The following GABRB1 variants were observed in gnomAD, a reference collection of about 807,000 sequenced individuals.
GABRB1 encodes the protein gamma-aminobutyric acid type A receptor subunit beta1.
GABRB1 carries 17 observed loss-of-function variants against 51.6 expected under a neutral mutation model. That is an observed-to-expected ratio of 0.33 (90% CI 0.23 to 0.49). The LOEUF is 0.49. GABRB1 is among the 20% of genes least tolerant of loss of function. GABRB1 has a pLI of 0.99. For missense variants in GABRB1, 410 were observed against 600.6 expected (o/e 0.68, Z 3.32); for synonymous variants, 247 against 218.9 (o/e 1.13, Z -1.14).
At chr4:47,178,761 G>A (rs759351527) in intron 4 of GABRB1, among the ~76,000 whole-genome samples, 4 of 152,076 alleles carry the variant, frequency 2.6e-5, no homozygotes, top group Non-Finnish European at 5.9e-5. Flanking sequence ...TGCCAAATGA[G>A]ATGCCAAGAA....
intron 3 of GABRB1, among the ~76,000 whole-genome samples, chr4:47,117,418 C>G (rs1026699138): frequency 3.3e-5 from 5 of 152,120 alleles, no homozygotes; most frequent in Non-Finnish European, 7.3e-5. Context: ...TGCTGAGTCC[C>G]ACTGGGTGAA....
intron 4 of GABRB1, among the ~76,000 whole-genome samples, chr4:47,312,441 T>C (rs1340187378): frequency 6.6e-6 from 1 of 152,184 alleles, no homozygotes; most frequent in Non-Finnish European, 1.5e-5. Flanking sequence ...ATGTACTCTT[T>C]AGTCATAACT....
intron 5 of GABRB1, among the ~76,000 whole-genome samples, chr4:47,355,475 A>C (rs1458567382): frequency 6.6e-6 from 1 of 152,160 alleles, no homozygotes; most frequent in African/African-American, 2.4e-5. Flanking sequence ...CAGTTTTCAC[A>C]AATGAAAATA....
chr4:47,248,188 C>T (rs1292599727), intron 4 of GABRB1, among the ~76,000 whole-genome samples: 1 of 151,926 alleles, frequency 6.6e-6, no homozygotes, highest in Non-Finnish European at 1.5e-5. Flanking sequence ...GAGATATGTC[C>T]CTTGTATGCC....
chr4:47,283,233 C>T (rs1013093395), intron 4 of GABRB1, among the ~76,000 whole-genome samples: 3 of 151,426 alleles, frequency 2.0e-5, no homozygotes, highest in African/African-American at 4.9e-5. Flanking sequence ...ATTATTAAAA[C>T]AATTGAGGAT....
At chr4:47,389,893 A>G (rs143510111) in intron 5 of GABRB1, among the ~76,000 whole-genome samples, 2 of 152,344 alleles carry the variant, frequency 1.3e-5, no homozygotes, top group Non-Finnish European at 2.9e-5. Flanking sequence ...GTGGTAGACC[A>G]CTATGCTTAT....
intron 5 of GABRB1, among the ~76,000 whole-genome samples, chr4:47,333,193 T>TA (rs1560337867): frequency 6.6e-3 from 8 of 1,218 alleles, no homozygotes; most frequent in East Asian, 0.024. Flanking sequence ...ACCCATTTTA[T>TA]TTATATATAT....
At chr4:47,108,788 T>C (rs1715093470) in intron 3 of GABRB1, among the ~76,000 whole-genome samples, 1 of 152,042 alleles carries the variant, frequency 6.6e-6, no homozygotes, top group African/African-American at 2.4e-5. Flanking sequence ...ACAAATACAG[T>C]TCTGAAAGAA....
At chr4:47,084,201 C>G (rs1369133888) in intron 3 of GABRB1, among the ~76,000 whole-genome samples, 10 of 152,132 alleles carry the variant, frequency 6.6e-5, no homozygotes, top group Admixed American at 6.5e-4. Context: ...ATGTGTTGGG[C>G]TGAAATGTCA....
chr4:47,230,988 A>G (rs1721121447), intron 4 of GABRB1, among the ~76,000 whole-genome samples: 2 of 152,156 alleles, frequency 1.3e-5, no homozygotes, highest in African/African-American at 4.8e-5. Context: ...TGGATTTATA[A>G]GGTAAAAAGG....
At chr4:47,256,209 G>C (rs1722193028) in intron 4 of GABRB1, among the ~76,000 whole-genome samples, 1 of 152,202 alleles carries the variant, frequency 6.6e-6, no homozygotes. Context: ...AGCCCAGTTT[G>C]AAGATGTTCT....
chr4:47,292,615 A>G (rs1723792071), intron 4 of GABRB1, among the ~76,000 whole-genome samples: 1 of 152,240 alleles, frequency 6.6e-6, no homozygotes, highest in Non-Finnish European at 1.5e-5. Flanking sequence ...GACTTCCCAT[A>G]AAGCCTACTC....
intron 4 of GABRB1, among the ~76,000 whole-genome samples, chr4:47,248,271 G>T (rs185407501): frequency 6.6e-6 from 1 of 152,222 alleles, no homozygotes; most frequent in East Asian, 1.9e-4. Flanking sequence ...CATCTATTGA[G>T]ATGATCATGT....
intron 4 of GABRB1, among the ~76,000 whole-genome samples, chr4:47,198,887 C>T (rs1276950431): frequency 6.6e-6 from 1 of 152,154 alleles, no homozygotes; most frequent in Non-Finnish European, 1.5e-5. Context: ...TACATGGTGG[C>T]AGGTGAGCAG....
chr4:47,352,155 G>T (rs970022404), intron 5 of GABRB1, among the ~76,000 whole-genome samples: 2 of 152,160 alleles, frequency 1.3e-5, no homozygotes, highest in African/African-American at 4.8e-5. Flanking sequence ...TTTCTCTGAT[G>T]GCCAGTGATG....
chr4:47,184,235 T>A (rs549393497), intron 4 of GABRB1, among the ~76,000 whole-genome samples: 13 of 151,974 alleles, frequency 8.6e-5, no homozygotes, highest in African/African-American at 3.1e-4. Context: ...CAACGTTTTA[T>A]TCATTAGTTA....
chr4:47,307,537 T>C (rs899173107), intron 4 of GABRB1, among the ~76,000 whole-genome samples: 11 of 152,074 alleles, frequency 7.2e-5, no homozygotes, highest in African/African-American at 2.4e-4. Flanking sequence ...GGCCTTATTT[T>C]AATTTTTTAT....
chr4:47,246,337 C>A (rs866948157), intron 4 of GABRB1, among the ~76,000 whole-genome samples: 1 of 53,342 alleles, frequency 1.9e-5, no homozygotes, highest in South Asian at 8.7e-4. Flanking sequence ...CACATATGTA[C>A]ATATATATAT....
intron 3 of GABRB1, among the ~76,000 whole-genome samples, chr4:47,143,804 G>T (rs866057524): frequency 6.6e-6 from 1 of 151,778 alleles, no homozygotes; most frequent in African/African-American, 2.4e-5. Context: ...ATACATGTCA[G>T]GCCTCCTTTT....
Sources: allele counts gnomAD v4.1 joint callset (sites outside exome capture counted in the v4.1 genomes callset), GRCh38; gene constraint gnomAD v4.1.1; transcripts MANE v1.5; gene names NCBI Gene and HGNC (gene_info 2026-07-23, HGNC 2026-07-21).